MED13: variants seen among roughly 807,000 people sequenced by gnomAD.
The protein encoded by MED13 is mediator of RNA polymerase II transcription subunit 13.
In MED13, 23 loss-of-function variants were observed where a neutral mutation model predicts 225.2. The ratio of observed to expected loss-of-function variants is 0.10; its 90% CI spans 0.07 to 0.14. The LOEUF (loss-of-function observed/expected upper bound fraction) is 0.14, where lower values mean the gene tolerates loss of function less well. Among genes scored for constraint, MED13 ranks in the 10% least tolerant of loss-of-function variants. The probability of loss-of-function intolerance (pLI) is 1.00; values close to 1 mark genes in which losing one functional copy is unlikely to be tolerated. For synonymous variants in MED13, 942 were observed against 889.2 expected (o/e 1.06, Z -1.06); for missense variants, 2,197 against 2,594.5 (o/e 0.85, Z 3.33).
At chr17:61,959,788 G>A (rs978214300) in intron 23 of MED13, among the ~76,000 whole-genome samples, 1 of 149,298 alleles carries the variant, frequency 6.7e-6, no homozygotes. Flanking sequence ...AAGTGCAGTG[G>A]TGCAATCTCA....
intron 5 of MED13, 35 bp downstream of exon 5, chr17:62,033,752 A>AT: frequency 6.3e-7 from 1 of 1,593,070 alleles, no homozygotes; most frequent in Non-Finnish European, 8.6e-7. Flanking sequence ...ACAATCATGC[A>AT]TTTTCCCCTT....
intron 4 of MED13, among the ~76,000 whole-genome samples, 174 bp from the exon 5 acceptor site, chr17:62,034,158 T>G (rs2080781968): frequency 6.6e-6 from 1 of 152,224 alleles, no homozygotes; most frequent in Non-Finnish European, 1.5e-5. Flanking sequence ...AGATAAAGTA[T>G]GACACTGAGT....
chr17:61,975,421 T>C (rs1339497303), intron 16 of MED13, among the ~76,000 whole-genome samples: 3 of 152,148 alleles, frequency 2.0e-5, no homozygotes, highest in African/African-American at 7.2e-5. Context: ...TCACACAAAG[T>C]ATCACAATGA....
At chr17:61,956,528 A>C in intron 23 of MED13, 47 bp from the exon 24 acceptor site, 1 of 1,556,448 alleles carries the variant, frequency 6.4e-7, no homozygotes, top group Non-Finnish European at 8.7e-7. Context: ...TAAAATTTAT[A>C]TGATTTTGCT....
chr17:61,984,740 C>T lies in MED13; in HGVS notation c.2602G>A (p.Val868Ile), dbSNP rs1439516701. Residue 868 changes from valine to isoleucine, a missense_variant, in exon 14 of 30, where the codon GTT becomes ATT. Transcript: ENST00000397786. ...ATACTAGAACTATTTCCTTCTAGAA[C>T]AGTTCCTCCAGGTGTTGTATCCATA... ...GSMDTTPGGT[V>I]LEGNSSSIGA... The T allele has an allele frequency of 6.2e-7, 1 of 1,613,700 alleles. No individual in the cohort carries two copies. Among genetic ancestry groups the T allele is most frequent in the Non-Finnish European group, 8.5e-7 (1 of 1,179,772 alleles).
At chr17:61,969,489 T>C (rs1479512850) in intron 17 of MED13, among the ~76,000 whole-genome samples, 4 of 152,040 alleles carry the variant, frequency 2.6e-5, no homozygotes, top group Non-Finnish European at 4.4e-5. Context: ...CTAGGCAACA[T>C]AGTGAGACAC....
intron 11 of MED13, among the ~76,000 whole-genome samples, chr17:61,991,890 C>A (rs981094672): frequency 3.2e-4 from 48 of 152,198 alleles, no homozygotes; most frequent in African/African-American, 1.1e-3. Flanking sequence ...AAGTGATCCA[C>A]CCACCTTGGC....
At chr17:61,986,912 CAT>C (rs1234892291) in intron 12 of MED13, 93 bp downstream of exon 12, 24 of 750,606 alleles carry the variant, frequency 3.2e-5, no homozygotes, top group Non-Finnish European at 4.2e-5. Context: ...AGGGCTAAAA[CAT>C]AGTATTAAAC....
chr17:62,053,649 T>C (rs919480620), intron 2 of MED13, among the ~76,000 whole-genome samples: 2 of 152,338 alleles, frequency 1.3e-5, no homozygotes, highest in Non-Finnish European at 1.5e-5. Context: ...TCTCCTTCTA[T>C]AGCCTATATA....
At chr17:62,046,380 T>C (rs1260416906) in intron 3 of MED13, among the ~76,000 whole-genome samples, 1 of 152,174 alleles carries the variant, frequency 6.6e-6, no homozygotes, top group Non-Finnish European at 1.5e-5. Context: ...GGTTCAAGAG[T>C]AACTCGAAAG....
chr17:61,997,510 T>C (rs1035773155), intron 9 of MED13, among the ~76,000 whole-genome samples: 1 of 152,284 alleles, frequency 6.6e-6, no homozygotes, highest in Middle Eastern at 3.4e-3. Flanking sequence ...TGCAAATCTT[T>C]TTAAAATAGT....
chr17:62,008,686 C>T (rs182558257), intron 9 of MED13, among the ~76,000 whole-genome samples: 3 of 151,846 alleles, frequency 2.0e-5, no homozygotes, highest in Non-Finnish European at 2.9e-5. Context: ...TTCCCCCCGC[C>T]GCCCCCTCCC....
At chr17:62,002,899 A>G (rs2080409251) in intron 9 of MED13, among the ~76,000 whole-genome samples, 1 of 152,216 alleles carries the variant, frequency 6.6e-6, no homozygotes, top group Admixed American at 6.5e-5. Context: ...GTACCTTAAC[A>G]CTTCTAACAC....
At chr17:62,038,122 C>G (rs1286510803) in intron 3 of MED13, among the ~76,000 whole-genome samples, 3 of 152,056 alleles carry the variant, frequency 2.0e-5, no homozygotes, top group Non-Finnish European at 4.4e-5. Context: ...AATTTAAAAA[C>G]AGCCAGTCAT....
At chr17:62,063,336 A>ATAT in intron 1 of MED13, 35 bp from the exon 2 acceptor site, 1 of 1,403,756 alleles carries the variant, frequency 7.1e-7, no homozygotes, top group African/African-American at 1.4e-5. Flanking sequence ...TTATTACTGC[A>ATAT]TATTCACTCA....
intron 24 of MED13, 67 bp from the exon 25 acceptor site, chr17:61,955,905 T>C (rs1603390947): frequency 7.0e-7 from 1 of 1,419,012 alleles, no homozygotes; most frequent in Non-Finnish European, 9.2e-7. Context: ...ATTATTAATA[T>C]CCTGTAGAAC....
intron 8 of MED13, among the ~76,000 whole-genome samples, chr17:62,017,501 T>G (rs1362661381): frequency 1.3e-5 from 2 of 152,236 alleles, no homozygotes; most frequent in Non-Finnish European, 2.9e-5. Context: ...GTATGGTCTA[T>G]GAACCCTCCT....
chr17:62,047,331 A>G (rs1017716945), intron 3 of MED13, among the ~76,000 whole-genome samples: 5 of 152,164 alleles, frequency 3.3e-5, no homozygotes, highest in African/African-American at 1.2e-4. Context: ...AAATCATGCC[A>G]CTGTACTCCA....
intron 29 of MED13, 145 bp downstream of exon 29, chr17:61,946,772 C>T: frequency 9.3e-7 from 1 of 1,076,420 alleles, no homozygotes; most frequent in Non-Finnish European, 1.4e-6. Context: ...AAGTAGATTA[C>T]TCAAGTTAGA....
Sources: gnomAD v4.1 joint callset for allele counts (sites outside exome capture counted in the v4.1 genomes callset) on GRCh38, gnomAD v4.1.1 for gene constraint, MANE v1.5 for transcripts, NCBI Gene and HGNC (gene_info 2026-07-23, HGNC 2026-07-21) for gene names.